The following CNTN5 variants were observed in gnomAD, a reference collection of about 807,000 sequenced individuals.
CNTN5 encodes the protein contactin-5.
In CNTN5, 77 loss-of-function variants were observed where a neutral mutation model predicts 129.1. The observed-to-expected ratio is 0.60, with a 90% CI of 0.50 to 0.72. CNTN5 has a LOEUF of 0.72. Among genes scored for constraint, CNTN5 ranks in the 30% least tolerant of loss-of-function variants. The pLI, the probability that CNTN5 is intolerant of heterozygous loss-of-function variation, is 0.00. For synonymous variants in CNTN5, 509 were observed against 465.6 expected (o/e 1.09, Z -1.20); for missense variants, 1,478 against 1,328.8 (o/e 1.11, Z -1.75).
At chr11:99,408,253 C>G (rs1344474100) in intron 2 of CNTN5, among the ~76,000 whole-genome samples, 3 of 150,638 alleles carry the variant, frequency 2.0e-5, no homozygotes, top group East Asian at 3.9e-4. Flanking sequence ...GTGTATTACT[C>G]TGTTGCCCAG....
chr11:99,708,205 T>C (rs1309682883), intron 3 of CNTN5, among the ~76,000 whole-genome samples: 1 of 151,718 alleles, frequency 6.6e-6, no homozygotes, highest in African/African-American at 2.4e-5. Flanking sequence ...AGGGAAAATA[T>C]TACAGCTATG....
chr11:100,314,511 T>C (rs938596899), intron 21 of CNTN5, among the ~76,000 whole-genome samples: 21 of 152,124 alleles, frequency 1.4e-4, no homozygotes, highest in Admixed American at 2.6e-4. Flanking sequence ...CACTTTGAAA[T>C]TGATGACTGT....
chr11:100,279,937 G>T (rs1950599051), intron 18 of CNTN5, among the ~76,000 whole-genome samples: 1 of 139,754 alleles, frequency 7.2e-6, no homozygotes, highest in Non-Finnish European at 1.5e-5. Context: ...AATGATTTAG[G>T]CACTTATAGC....
At chr11:99,306,174 C>A (rs1301689754) in intron 1 of CNTN5, among the ~76,000 whole-genome samples, 1 of 151,950 alleles carries the variant, frequency 6.6e-6, no homozygotes, top group African/African-American at 2.4e-5. Context: ...TTAAGATAAG[C>A]AAAATGATAT....
chr11:100,187,288 A>G (rs1251470256), intron 13 of CNTN5, among the ~76,000 whole-genome samples: 2 of 150,426 alleles, frequency 1.3e-5, no homozygotes, highest in Non-Finnish European at 2.9e-5. Context: ...GTCATTTGGC[A>G]GTCTTTAGGG....
At chr11:99,116,090 C>A (rs1858032389) in intron 1 of CNTN5, among the ~76,000 whole-genome samples, 1 of 152,070 alleles carries the variant, frequency 6.6e-6, no homozygotes, top group African/African-American at 2.4e-5. Flanking sequence ...AATTTTTACC[C>A]TAGAATGAGG....
At chr11:99,202,937 C>T (rs1551781) in intron 1 of CNTN5, among the ~76,000 whole-genome samples, 15 of 149,730 alleles carry the variant, frequency 1.0e-4, no homozygotes, top group African/African-American at 3.2e-4. Context: ...AAAAGAGAGA[C>T]AATAAGTGAG....
chr11:99,187,908 A>G (rs1425631825), intron 1 of CNTN5, among the ~76,000 whole-genome samples: 1 of 151,834 alleles, frequency 6.6e-6, no homozygotes, highest in Non-Finnish European at 1.5e-5. Context: ...TCCATCCTTG[A>G]ACACTTCTTT....
intron 2 of CNTN5, among the ~76,000 whole-genome samples, chr11:99,335,206 T>C (rs1866170268): frequency 6.6e-6 from 1 of 152,140 alleles, no homozygotes; most frequent in Non-Finnish European, 1.5e-5. Context: ...CTCTAGGAAT[T>C]TAAAGCAGTG....
intron 6 of CNTN5, among the ~76,000 whole-genome samples, chr11:99,889,319 TGTGTGTGTGTG>T (rs1948988287): frequency 1.4e-5 from 2 of 145,308 alleles, no homozygotes; most frequent in South Asian, 2.3e-4. Context: ...TGTGTGTGTG[TGTGTGTGTGTG>T]TGTGTGTGTG....
rs773630523 is a variant in CNTN5 at position 100,070,414 on chromosome 11, A to G, written c.1163-10A>G. 2 of 1,610,066 alleles carry G rather than the reference A, an allele frequency of 1.2e-6. No homozygotes were observed. Among genetic ancestry groups the G allele is most frequent in the Middle Eastern group, 1.7e-4 (1 of 5,788 alleles). On this transcript the variant is annotated splice_polypyrimidine_tract_variant and intron_variant, in intron 10 of 24. Transcript: ENST00000524871. ...GAAATCATCCTTGTTTACTGCTTAC[A>G]TACTTACAGCCTACCCACACTGGGT...
intron 1 of CNTN5, chr11:99,049,889 C>T (rs1428950293): frequency 6.6e-6 from 1 of 152,134 alleles, no homozygotes; most frequent in Non-Finnish European, 1.5e-5. Flanking sequence ...TGACTCTGAT[C>T]ATCTCTATTT....
chr11:100,198,098 C>A (rs1016399990), intron 15 of CNTN5, among the ~76,000 whole-genome samples: 8 of 151,858 alleles, frequency 5.3e-5, no homozygotes, highest in African/African-American at 1.9e-4. Context: ...CCTTTATAAA[C>A]CCTCTCCATA....
chr11:99,056,910 G>T (rs1056949605), intron 1 of CNTN5, among the ~76,000 whole-genome samples: 7 of 151,972 alleles, frequency 4.6e-5, no homozygotes, highest in Non-Finnish European at 1.0e-4. Flanking sequence ...ATTTTTGAAT[G>T]TAACTTTTCT....
At chr11:99,358,018 T>C (rs1009977543) in intron 2 of CNTN5, among the ~76,000 whole-genome samples, 2 of 146,730 alleles carry the variant, frequency 1.4e-5, no homozygotes, top group African/African-American at 5.0e-5. Context: ...ATAATAATAA[T>C]AATAAAATAA....
intron 17 of CNTN5, among the ~76,000 whole-genome samples, chr11:100,258,938 C>T (rs763468809): frequency 1.2e-4 from 18 of 152,164 alleles, no homozygotes; most frequent in African/African-American, 1.7e-4. Flanking sequence ...CAAATTTACA[C>T]ATAACAATAT....
chr11:99,101,268 C>CAT (rs1427371815), intron 1 of CNTN5, among the ~76,000 whole-genome samples: 1 of 149,454 alleles, frequency 6.7e-6, no homozygotes, highest in Non-Finnish European at 1.5e-5. Flanking sequence ...ATGGGAACCA[C>CAT]AGTTCAAGAT....
chr11:100,255,395 C>A (rs1383399856), intron 16 of CNTN5, among the ~76,000 whole-genome samples: 1 of 151,968 alleles, frequency 6.6e-6, no homozygotes, highest in African/African-American at 2.4e-5. Flanking sequence ...CTCTGTAGCA[C>A]TGCCTATCAT....
At chr11:99,639,000 G>T (rs1951667849) in intron 3 of CNTN5, among the ~76,000 whole-genome samples, 1 of 152,184 alleles carries the variant, frequency 6.6e-6, no homozygotes, top group Non-Finnish European at 1.5e-5. Flanking sequence ...TGCCCTAGAA[G>T]AGATTCTCGT....
Sources: allele counts gnomAD v4.1 joint callset (sites outside exome capture counted in the v4.1 genomes callset), GRCh38; gene constraint gnomAD v4.1.1; transcripts MANE v1.5; gene names NCBI Gene and HGNC (gene_info 2026-07-23, HGNC 2026-07-21).